The following ARL3 variants were observed in gnomAD, a reference collection of about 807,000 sequenced individuals.
ARL3 encodes ARF like GTPase 3.
A neutral mutation model predicts 26.0 loss-of-function variants in ARL3; 9 were observed. The ratio of observed to expected loss-of-function variants is 0.35; its 90% CI spans 0.21 to 0.60. The LOEUF (loss-of-function observed/expected upper bound fraction) is 0.60. ARL3 is among the 20% of genes least tolerant of loss of function. The pLI, the probability that ARL3 is intolerant of heterozygous loss-of-function variation, is 0.78. For missense variants in ARL3, 158 were observed against 215.7 expected (o/e 0.73, Z 1.67); for synonymous variants, 71 against 78.4 (o/e 0.91, Z 0.50).
At chr10:102,679,896 C>A (rs1020886954) in intron 5 of ARL3, among the ~76,000 whole-genome samples, 3 of 152,154 alleles carry the variant, frequency 2.0e-5, no homozygotes, top group Non-Finnish European at 4.4e-5. Context: ...AGAGGAGGAA[C>A]CTTCTGCTTC....
chr10:102,676,743 TG>T lies in ARL3; in HGVS notation c.*150del. 1.4e-6 allele frequency: 1 copy of T among 712,466 alleles called. No homozygotes were observed. The highest frequency in any genetic ancestry group is 2.4e-6 in the Non-Finnish European group (1 of 415,872). 44.1% of individuals were successfully genotyped at this position (712,466 alleles called of 1,614,324 possible). ...AGATCAGTTAAATCTACTGCTGGAA[TG>T]GGGATTCTTTCTAAACCGTGTTGTT... is the stretch of plus-strand genomic sequence containing the variant. On this transcript the variant is annotated 3_prime_UTR_variant, in exon 6 of 6. Coordinates refer to ENST00000260746, the MANE Select transcript of ARL3 (RefSeq NM_004311.4).
chr10:102,705,962 A>C (rs2064309010), intron 1 of ARL3, among the ~76,000 whole-genome samples: 1 of 152,194 alleles, frequency 6.6e-6, no homozygotes, highest in Non-Finnish European at 1.5e-5. Flanking sequence ...AGGATGACAC[A>C]CCCAAGTTAA....
intron 3 of ARL3, among the ~76,000 whole-genome samples, chr10:102,696,489 C>G (rs1163417436): frequency 6.6e-6 from 1 of 151,824 alleles, no homozygotes; most frequent in Non-Finnish European, 1.5e-5. Context: ...TGGTCTTGAA[C>G]TCCTGACCTT....
chr10:102,705,581 T>C (rs181756450), intron 1 of ARL3, 92 bp from the exon 2 acceptor site: 240 of 1,283,948 alleles, frequency 1.9e-4, no homozygotes, highest in Middle Eastern at 9.0e-4. Flanking sequence ...AAAAAAGTTA[T>C]TGGTTATGGA....
intron 2 of ARL3, 104 bp downstream of exon 2, chr10:102,705,242 A>C: frequency 7.4e-7 from 1 of 1,354,918 alleles, no homozygotes; most frequent in Non-Finnish European, 9.7e-7. Context: ...TTTCTCAGAG[A>C]CAAAACTTGG....
chr10:102,704,009 G>T (rs1271527075), intron 2 of ARL3, among the ~76,000 whole-genome samples: 5 of 151,732 alleles, frequency 3.3e-5, no homozygotes, highest in African/African-American at 1.2e-4. Context: ...AAATTAGCCA[G>T]GCGTGGTGGC....
intron 5 of ARL3, among the ~76,000 whole-genome samples, chr10:102,682,073 C>A (rs1229940855): frequency 6.6e-6 from 1 of 152,172 alleles, no homozygotes; most frequent in Non-Finnish European, 1.5e-5. Context: ...GGGGCCCTGG[C>A]AACCTGGGCC....
intron 5 of ARL3, among the ~76,000 whole-genome samples, chr10:102,677,539 G>C (rs562942186): frequency 6.6e-6 from 1 of 152,340 alleles, no homozygotes; most frequent in South Asian, 2.1e-4. Context: ...CATCCAGAGG[G>C]ACTGGGGAGA....
intron 3 of ARL3, among the ~76,000 whole-genome samples, chr10:102,697,622 C>G (rs910578377): frequency 1.3e-5 from 2 of 152,088 alleles, no homozygotes; most frequent in African/African-American, 2.4e-5. Context: ...TCATAAGCAT[C>G]TAAGTGGTCA....
At position 102,713,841 on chromosome 10, in the gene ARL3, G is replaced by T. The variant is rs562382334; in HGVS notation, c.3+432C>A. On this transcript the variant is annotated intron_variant, in intron 1 of 5. Coordinates refer to ENST00000260746, the MANE Select transcript of ARL3 (RefSeq NM_004311.4). ...GGCGACCTCAGAGCCAATGGGGCCG[G>T]CCTTCTCTCCGCTTCTGGCCGGGCT... Among the ~76,000 whole-genome samples the T allele has an allele frequency of 2.0e-5, 3 of 152,336 alleles. No homozygotes were observed. The South Asian group carries it at 6.2e-4, about 32-fold the overall frequency.
At chr10:102,695,834 A>T (rs2064244422) in intron 3 of ARL3, among the ~76,000 whole-genome samples, 1 of 150,952 alleles carries the variant, frequency 6.6e-6, no homozygotes, top group African/African-American at 2.4e-5. Flanking sequence ...AAATATTTTT[A>T]ATTATTTTTA....
In ARL3 at chr10:102,705,483, G is replaced by A. The variant is rs2064304890; in HGVS notation, c.10C>T (p.Leu4Phe). 1 of 1,591,120 alleles carries A rather than the reference G, an allele frequency of 6.3e-7. No individual in the cohort carries two copies. Among genetic ancestry groups the A allele is most frequent in the Non-Finnish European group, 8.6e-7 (1 of 1,161,786 alleles). MGL[L>F]SILRKLKSAP... ...CTTTTCAACTTGCGCAAAATTGAGA[G>A]CAAGCCCTTCAACAACCACAAAGGA... Residue 4 changes from leucine (L) to phenylalanine (F), a missense_variant, in exon 2 of 6, where the codon CTC (leucine) becomes TTC (phenylalanine). Leu to Phe is a conservative substitution (Grantham distance 22, BLOSUM62 0). Coordinates refer to ENST00000260746, the MANE Select transcript of ARL3 (RefSeq NM_004311.4).
At chr10:102,677,483 T>C (rs763137034) in intron 5 of ARL3, among the ~76,000 whole-genome samples, 2 of 152,160 alleles carry the variant, frequency 1.3e-5, no homozygotes, top group Admixed American at 6.5e-5. Flanking sequence ...GCACTCCAGA[T>C]AGGTTTAAAA....
At chr10:102,695,982 C>G (rs1415512121) in intron 3 of ARL3, among the ~76,000 whole-genome samples, 1 of 151,006 alleles carries the variant, frequency 6.6e-6, no homozygotes, top group Non-Finnish European at 1.5e-5. Context: ...ATTTTTTATT[C>G]AGACAGAGTC....
chr10:102,690,073 A>G (rs1188622894), intron 3 of ARL3, 130 bp from the exon 4 acceptor site: 2 of 528,550 alleles, frequency 3.8e-6, no homozygotes, highest in Non-Finnish European at 6.9e-6. Context: ...TTGACTGGTG[A>G]GTCTCATCTC....
Position 102,686,153 on chromosome 10 carries a change from CCTTCG to C in ARL3, c.316-157_316-153del, listed in dbSNP as rs2135998265. On this transcript the variant is annotated intron_variant, in intron 4 of 5. Coordinates refer to ENST00000260746, the MANE Select transcript of ARL3 (RefSeq NM_004311.4). ...ATGGCGTGATCTCGGCTCACTGCAA[CCTTCG>C]CTTCCCAGGTTCAAGTGATTCTCCT... 1.3e-5 allele frequency: 8 copies of C among 631,582 alleles called. No homozygotes were observed. In the South Asian group the frequency reaches 1.6e-4, roughly 13 times the overall value. The allele number at this position is 631,582 out of a possible 1,614,324, so 39.1% of individuals were successfully genotyped here.
chr10:102,680,563 C>T (rs1434587306), intron 5 of ARL3, among the ~76,000 whole-genome samples: 2 of 152,214 alleles, frequency 1.3e-5, no homozygotes, highest in Non-Finnish European at 2.9e-5. Flanking sequence ...GGGAAACTCA[C>T]TCCTCCCAAA....
At chr10:102,686,878 T>C (rs866398131) in intron 4 of ARL3, among the ~76,000 whole-genome samples, 1,588 of 128,792 alleles carry the variant, frequency 0.012, 31 homozygotes, top group African/African-American at 0.045. Flanking sequence ...TTTTTTTTTT[T>C]TTTTTTTTTT....
intron 1 of ARL3, among the ~76,000 whole-genome samples, chr10:102,712,949 T>C (rs1340227624): frequency 6.6e-6 from 1 of 152,024 alleles, no homozygotes; most frequent in East Asian, 1.9e-4. Flanking sequence ...CAACTTCAGA[T>C]CAAATAACCC....
Sources: allele counts gnomAD v4.1 joint callset (sites outside exome capture counted in the v4.1 genomes callset), GRCh38; gene constraint gnomAD v4.1.1; transcripts MANE v1.5; gene names NCBI Gene and HGNC (gene_info 2026-07-23, HGNC 2026-07-21).